RARB: variants seen among roughly 807,000 people sequenced by gnomAD.
RARB encodes retinoic acid receptor beta.
A neutral mutation model predicts 51.9 loss-of-function variants in RARB; 17 were observed. The ratio of observed to expected loss-of-function variants is 0.33; its 90% CI spans 0.22 to 0.49. RARB has a LOEUF of 0.49. Ranked by LOEUF, RARB falls within the 20% of genes least tolerant of loss-of-function variation. RARB has a pLI of 0.99. For missense variants in RARB, 369 were observed against 550.8 expected (o/e 0.67, Z 3.30); for synonymous variants, 215 against 195.4 (o/e 1.10, Z -0.84).
rs74703918 is a variant in RARB at position 24,885,080 on chromosome 3, C to T, written c.-380+26328C>T. Among the ~76,000 whole-genome samples, 1,116 of 152,206 alleles carry T rather than the reference C, an allele frequency of 7.3e-3. 13 individuals carry two copies. The highest frequency in any genetic ancestry group is 0.026 in the African/African-American group (1,064 of 41,536). ...AGCTTGTCTACCAGCTGGCCAGAAT[C>T]TGTTATGTTAGAATTACTACATAAT... On this transcript the variant is annotated intron_variant, in intron 2 of 11. Transcript: ENST00000383772.
chr3:25,396,849 A>C (rs1707128457), intron 5 of RARB, among the ~76,000 whole-genome samples: 1 of 152,134 alleles, frequency 6.6e-6, no homozygotes, highest in Non-Finnish European at 1.5e-5. Flanking sequence ...CCCAGTTCCC[A>C]TACAGCCAGC....
chr3:24,929,323 C>T (rs952327534), intron 2 of RARB, among the ~76,000 whole-genome samples: 2 of 152,010 alleles, frequency 1.3e-5, no homozygotes, highest in Non-Finnish European at 2.9e-5. Flanking sequence ...TGCGTTTGCA[C>T]ATTACACTAG....
At chr3:25,178,298 C>T (rs536252590) in intron 5 of RARB, among the ~76,000 whole-genome samples, 17 of 151,014 alleles carry the variant, frequency 1.1e-4, no homozygotes, top group African/African-American at 2.2e-4. Flanking sequence ...AGGGAACATA[C>T]GAAAAAAGGG....
chr3:25,258,597 G>A (rs939872152), intron 5 of RARB, among the ~76,000 whole-genome samples: 10 of 152,070 alleles, frequency 6.6e-5, no homozygotes, highest in Non-Finnish European at 1.5e-4. Context: ...TTGTCATGGT[G>A]TCTTGGTCTG....
intron 3 of RARB, among the ~76,000 whole-genome samples, chr3:25,558,123 G>A (rs1700132853): frequency 6.6e-6 from 1 of 152,184 alleles, no homozygotes; most frequent in African/African-American, 2.4e-5. Context: ...AACATGGGTA[G>A]TTTCACTGAC....
chr3:25,465,277 T>G (rs1695375373), intron 2 of RARB, among the ~76,000 whole-genome samples: 1 of 152,208 alleles, frequency 6.6e-6, no homozygotes, highest in Non-Finnish European at 1.5e-5. Flanking sequence ...CTGTATTTAA[T>G]TTGATATTTA....
At chr3:24,939,801 A>G (rs777635444) in intron 2 of RARB, among the ~76,000 whole-genome samples, 6 of 152,214 alleles carry the variant, frequency 3.9e-5, no homozygotes. Context: ...GCACCCTATA[A>G]TGCATTCTAC....
At chr3:25,166,968 C>T (rs191642255) in intron 4 of RARB, among the ~76,000 whole-genome samples, 2 of 152,334 alleles carry the variant, frequency 1.3e-5, no homozygotes, top group Admixed American at 1.3e-4. Flanking sequence ...ATCCCCATGG[C>T]ATGTCCATAA....
At chr3:25,303,467 G>A (rs1704087300) in intron 5 of RARB, among the ~76,000 whole-genome samples, 3 of 152,146 alleles carry the variant, frequency 2.0e-5, no homozygotes, top group African/African-American at 4.8e-5. Context: ...GGTGCAAGGA[G>A]TAAGTGAAGC....
intron 3 of RARB, among the ~76,000 whole-genome samples, chr3:25,529,726 T>C (rs140489243): frequency 2.5e-3 from 374 of 152,234 alleles, no homozygotes; most frequent in Non-Finnish European, 4.2e-3. Flanking sequence ...TTAAAACTCA[T>C]AGAACTGTAT....
chr3:25,381,492 G>A (rs984702979), intron 5 of RARB, among the ~76,000 whole-genome samples: 1 of 152,068 alleles, frequency 6.6e-6, no homozygotes, highest in Non-Finnish European at 1.5e-5. Flanking sequence ...TTTTTGCGAG[G>A]GTTAAATCTG....
At chr3:24,935,096 T>G (rs1048092963) in intron 2 of RARB, among the ~76,000 whole-genome samples, 2 of 152,172 alleles carry the variant, frequency 1.3e-5, no homozygotes, top group Non-Finnish European at 2.9e-5. Flanking sequence ...GGTGGCTGTT[T>G]ATTAATGTTT....
chr3:25,359,007 A>G (rs992869090), intron 5 of RARB, among the ~76,000 whole-genome samples: 10 of 151,614 alleles, frequency 6.6e-5, no homozygotes, highest in Non-Finnish European at 1.3e-4. Context: ...AATGAGTTAG[A>G]GAGGAGTCAC....
At chr3:25,537,073 G>C (rs1358243288) in intron 3 of RARB, among the ~76,000 whole-genome samples, 3 of 152,186 alleles carry the variant, frequency 2.0e-5, no homozygotes, top group African/African-American at 7.2e-5. Context: ...ACAGGTTGCT[G>C]AGGAGGGGCC....
intron 3 of RARB, among the ~76,000 whole-genome samples, chr3:25,122,982 A>T (rs1699808297): frequency 6.6e-6 from 1 of 152,184 alleles, no homozygotes; most frequent in Non-Finnish European, 1.5e-5. Flanking sequence ...GCCACAGCAC[A>T]TGTACACAGT....
At chr3:24,924,503 A>G (rs189499405) in intron 2 of RARB, among the ~76,000 whole-genome samples, 2 of 152,184 alleles carry the variant, frequency 1.3e-5, no homozygotes, top group Non-Finnish European at 2.9e-5. Context: ...TGTGAGATGA[A>G]GTAAAATTTT....
chr3:25,357,398 A>G (rs1039248820), intron 5 of RARB, among the ~76,000 whole-genome samples: 2 of 152,008 alleles, frequency 1.3e-5, no homozygotes, highest in Non-Finnish European at 2.9e-5. Context: ...TTCCTTGTAG[A>G]TTCTGGATAT....
intron 2 of RARB, among the ~76,000 whole-genome samples, chr3:24,914,733 C>A (rs1371602615): frequency 1.3e-5 from 2 of 152,112 alleles, no homozygotes; most frequent in Non-Finnish European, 2.9e-5. Flanking sequence ...AGTACAGGTA[C>A]AACCATTCAT....
chr3:25,333,987 C>T (rs1456972231), intron 5 of RARB, among the ~76,000 whole-genome samples: 1 of 152,170 alleles, frequency 6.6e-6, no homozygotes, highest in Non-Finnish European at 1.5e-5. Flanking sequence ...GATACCATCT[C>T]ACACCAGTTA....
Sources: allele counts gnomAD v4.1 joint callset (sites outside exome capture counted in the v4.1 genomes callset), GRCh38; gene constraint gnomAD v4.1.1; transcripts MANE v1.5; gene names NCBI Gene and HGNC (gene_info 2026-07-23, HGNC 2026-07-21).